Variants in KIR3DL2 observed in about 807,000 individuals in gnomAD.
The protein encoded by KIR3DL2 is killer cell immunoglobulin-like receptor 3DL2.
Under a neutral mutation model 41.6 loss-of-function variants are expected in KIR3DL2, and 42 were observed. The observed-to-expected ratio is 1.01, with a 90% CI of 0.79 to 1.31. The LOEUF (loss-of-function observed/expected upper bound fraction) is 1.31. Among genes scored for constraint, KIR3DL2 ranks in the 50% most tolerant of loss-of-function variants. The pLI is 0.00. For missense variants in KIR3DL2, 728 were observed against 576.8 expected (o/e 1.26, Z -2.68); for synonymous variants, 230 against 221.3 (o/e 1.04, Z -0.35).
chr19:54,862,844 C>CT (rs1206588457), intron 6 of KIR3DL2, among the ~76,000 whole-genome samples: 3 of 72,700 alleles, frequency 4.1e-5, no homozygotes, highest in Admixed American at 3.4e-4. Context: ...TTCTGATGAG[C>CT]TTTTTTTTAA....
chr19:54,851,181 G>A, intron 1 of KIR3DL2, 39 bp from the exon 2 acceptor site: 1 of 1,609,076 alleles, frequency 6.2e-7, no homozygotes, highest in Non-Finnish European at 8.5e-7. Context: ...GCCCTGGTTT[G>A]CCTGCAGTTG....
At position 54,858,257 on chromosome 19, in the gene KIR3DL2, A is replaced by G. The variant is rs1421839115; in HGVS notation, c.950-822A>G. ...TGTCTTCCCCATTATTTTCTTCTAC[A>G]TGTTTCATAGGTTCAGGCCTTAGAC... On this transcript the variant is annotated intron_variant, in intron 5 of 8. Transcript: ENST00000326321. Among the ~76,000 whole-genome samples, 1,180 of 150,548 alleles carry G rather than the reference A, an allele frequency of 7.8e-3. 40 individuals are homozygous for G. The highest frequency in any genetic ancestry group is 0.028 in the African/African-American group (1,131 of 40,480).
At chr19:54,859,362 T>C (rs1289584465) in intron 6 of KIR3DL2, among the ~76,000 whole-genome samples, 2 of 152,068 alleles carry the variant, frequency 1.3e-5, no homozygotes, top group African/African-American at 4.8e-5. Flanking sequence ...AGAAGAATAA[T>C]TGCCAATCTG....
chr19:54,859,961 CCT>C (rs1398587083), intron 6 of KIR3DL2, among the ~76,000 whole-genome samples: 1 of 151,928 alleles, frequency 6.6e-6, no homozygotes, highest in Non-Finnish European at 1.5e-5. Context: ...CCTTACCACA[CCT>C]CTTTCTCTGA....
In KIR3DL2 at chr19:54,866,857, T is replaced by C. The variant is rs2065570496; in HGVS notation, c.*126T>C. ...CACACCACGAATCTGAACATGCCTC[T>C]CTCTTGCTTACAAATGCCTAAGGTC... On this transcript the variant is annotated 3_prime_UTR_variant, in exon 9 of 9. Transcript: ENST00000326321. 1 of 1,090,702 alleles carries C rather than the reference T, an allele frequency of 9.2e-7. No individual in the cohort carries two copies. The highest frequency in any genetic ancestry group is 2.2e-5 in the Admixed American group (1 of 44,614). 67.6% of individuals were successfully genotyped at this position (1,090,702 alleles called of 1,614,324 possible).
intron 4 of KIR3DL2, 78 bp from the exon 5 acceptor site, chr19:54,855,541 G>C (rs2064677246): frequency 6.4e-7 from 1 of 1,554,016 alleles, no homozygotes; most frequent in Non-Finnish European, 8.7e-7. Context: ...GAGCAGGGGA[G>C]TGAGTTCTCA....
At chr19:54,854,416 A>G (rs2064565881) in intron 4 of KIR3DL2, among the ~76,000 whole-genome samples, 1 of 151,778 alleles carries the variant, frequency 6.6e-6, no homozygotes, top group African/African-American at 2.4e-5. Context: ...TACGAGGAGA[A>G]CCCAAGGACA....
intron 1 of KIR3DL2, among the ~76,000 whole-genome samples, chr19:54,850,858 T>G (rs1267987460): frequency 2.0e-4 from 18 of 88,990 alleles, no homozygotes; most frequent in Admixed American, 5.3e-4. Context: ...GGGCCTGGAG[T>G]GGAGATATGG....
intron 2 of KIR3DL2, among the ~76,000 whole-genome samples, chr19:54,851,678 C>T (rs2064253142): frequency 6.6e-6 from 1 of 151,700 alleles, no homozygotes; most frequent in South Asian, 2.1e-4. Context: ...TCTGAGGGGG[C>T]TCAGTTCATG....
At chr19:54,855,991 A>G (rs2064739900) in intron 5 of KIR3DL2, 79 bp downstream of exon 5, 2 of 1,529,474 alleles carry the variant, frequency 1.3e-6, no homozygotes, top group African/African-American at 1.4e-5. Flanking sequence ...TGATGGGGAG[A>G]AGCATGGACA....
chr19:54,865,245 C>T lies in KIR3DL2; in HGVS notation c.1001-560C>T, dbSNP rs368480604. 3.0e-4 allele frequency among the ~76,000 whole-genome samples: 45 copies of T among 152,182 alleles called. No homozygotes were observed. The South Asian group carries it at 3.7e-3, about 13-fold the overall frequency. ...AAACAGATTTGTTTGCCTCACAGTT[C>T]TGCAGGCTGTACTGGAAGCATGGCA... On this transcript the variant is annotated intron_variant, in intron 6 of 8. Coordinates refer to ENST00000326321, the MANE Select transcript of KIR3DL2 (RefSeq NM_006737.4).
intron 3 of KIR3DL2, 75 bp from the exon 4 acceptor site, chr19:54,853,672 C>T: frequency 6.6e-7 from 1 of 1,523,760 alleles, no homozygotes; most frequent in Non-Finnish European, 9.0e-7. Flanking sequence ...GGGAGGGGAA[C>T]CCTCACTCAT....
rs2064193969 is a variant in KIR3DL2, at chr19:54,851,150, G to A, written c.35-70G>A. On this transcript the variant is annotated intron_variant, in intron 1 of 8. Transcript: ENST00000326321. ...AAGGGCCTGGCTGCCAAGACACACAGTGCAGTGGGGGCAGCAGGGTGCCCT... is the reference window on the plus strand; with the variant it reads ...AAGGGCCTGGCTGCCAAGACACACAATGCAGTGGGGGCAGCAGGGTGCCCT... 12 of 1,579,102 alleles carry A rather than the reference G, an allele frequency of 7.6e-6. No homozygotes were observed. The Admixed American group carries it at 1.8e-4, about 24-fold the overall frequency.
chr19:54,856,015 C>T, intron 5 of KIR3DL2, 103 bp downstream of exon 5: 1 of 1,398,086 alleles, frequency 7.2e-7, no homozygotes, highest in Non-Finnish European at 9.8e-7. Context: ...GCAGAGAGAA[C>T]ACGAAGACTG....
chr19:54,866,913 C>G lies in KIR3DL2; in HGVS notation c.*182C>G. On this transcript the variant is annotated 3_prime_UTR_variant, in exon 9 of 9. Coordinates refer to ENST00000326321, the MANE Select transcript of KIR3DL2 (RefSeq NM_006737.4). ...TGCCTGCTGCAGAGAAAACACACTC[C>G]TTTGCTTAGCCCACAAGTATCTATT... The G allele has an allele frequency of 1.4e-6, 1 of 698,308 alleles. No homozygotes were observed. 43.3% of individuals were successfully genotyped at this position (698,308 alleles called of 1,614,324 possible).
At position 54,866,432 on chromosome 19, in the gene KIR3DL2, C is replaced by T; in HGVS notation, c.1158+10C>T. ...AACAGTGAATAGGCAGGTAGGTCCT[C>T]CTCGGCCCAGCCTCACGGATACAGT... is the stretch of plus-strand genomic sequence containing the variant. On this transcript the variant is annotated intron_variant, in intron 8 of 8. Coordinates refer to ENST00000326321, the MANE Select transcript of KIR3DL2 (RefSeq NM_006737.4). The T allele has an allele frequency of 6.2e-7, 1 of 1,614,012 alleles. No homozygotes were observed. The highest frequency in any genetic ancestry group is 8.5e-7 in the Non-Finnish European group (1 of 1,179,974).
In KIR3DL2 at chr19:54,853,866, G is replaced by A; in HGVS notation, c.475G>A (p.Gly159Arg). ...TGAGCACTTCTTTCTGCACAGAGAG[G>A]GGATCTCTGAGGACCCCTCACGCCT... ...MFEHFFLHRE[G>R]ISEDPSRLVG... The change falls in exon 4 of 9, where the codon GGG (glycine) becomes AGG (arginine). Residue 159 changes from glycine (G) to arginine (R), a missense_variant. Gly to Arg is a moderately radical substitution (Grantham distance 125). Coordinates refer to ENST00000326321, the MANE Select transcript of KIR3DL2 (RefSeq NM_006737.4). 1.2e-6 allele frequency: 2 copies of A among 1,613,236 alleles called. No homozygotes were observed. Among genetic ancestry groups the A allele is most frequent in the East Asian group, 4.5e-5 (2 of 44,860 alleles).
At chr19:54,866,460 TATCCCTA>T in intron 8 of KIR3DL2, 38 bp downstream of exon 8, 1 of 1,613,926 alleles carries the variant, frequency 6.2e-7, no homozygotes, top group African/African-American at 1.3e-5. Flanking sequence ...GATACAGTCT[TATCCCTA>T]ATAGTCCTGA....
chr19:54,850,932 TGTGGAGATATGGGCCTGGA>T (rs1311286946), intron 1 of KIR3DL2, among the ~76,000 whole-genome samples: 60 of 37,552 alleles, frequency 1.6e-3, no homozygotes, highest in Admixed American at 3.2e-3. Context: ...ATGGGTCTGA[TGTGGAGATATGGGCCTGGA>T]GTGGAGATAT....
Sources: gnomAD v4.1 joint callset for allele counts (sites outside exome capture counted in the v4.1 genomes callset) on GRCh38, gnomAD v4.1.1 for gene constraint, MANE v1.5 for transcripts, NCBI Gene and HGNC (gene_info 2026-07-23, HGNC 2026-07-21) for gene names.